The following GLCCI1 variants were observed in gnomAD, a reference collection of about 807,000 sequenced individuals.
GLCCI1 encodes the protein glucocorticoid-induced transcript 1 protein.
Under a neutral mutation model 52.2 loss-of-function variants are expected in GLCCI1, and 24 were observed. The ratio of observed to expected loss-of-function variants is 0.46; its 90% CI spans 0.33 to 0.65. The LOEUF (loss-of-function observed/expected upper bound fraction) is 0.65. Among genes scored for constraint, GLCCI1 ranks in the 30% least tolerant of loss-of-function variants. The probability of loss-of-function intolerance (pLI) is 0.02; values close to 1 mark genes in which losing one functional copy is unlikely to be tolerated. For missense variants in GLCCI1, 704 were observed against 701.5 expected (o/e 1.00, Z -0.04); for synonymous variants, 310 against 276.5 (o/e 1.12, Z -1.20).
At chr7:8,004,134 A>G in intron 2 of GLCCI1, 75 bp downstream of exon 2, 4 of 1,294,378 alleles carry the variant, frequency 3.1e-6, no homozygotes, top group Non-Finnish European at 4.2e-6. Flanking sequence ...AAAATGTAAT[A>G]TAATCAAATT....
intron 1 of GLCCI1, among the ~76,000 whole-genome samples, chr7:7,986,786 G>A (rs944328600): frequency 2.0e-5 from 3 of 152,130 alleles, no homozygotes; most frequent in African/African-American, 7.2e-5. Flanking sequence ...TTATGGTTAA[G>A]AGATATTCAG....
chr7:8,065,063 G>C (rs1013284112), intron 5 of GLCCI1, among the ~76,000 whole-genome samples: 7 of 152,086 alleles, frequency 4.6e-5, no homozygotes, highest in African/African-American at 1.7e-4. Flanking sequence ...CATGAGCATG[G>C]AATGTTTTTC....
chr7:7,998,240 G>T (rs1320982311), intron 1 of GLCCI1, among the ~76,000 whole-genome samples: 1 of 151,292 alleles, frequency 6.6e-6, no homozygotes, highest in East Asian at 1.9e-4. Flanking sequence ...TTTTGAGACG[G>T]AGTCTCGCTC....
chr7:8,052,598 T>C (rs1782283268), intron 3 of GLCCI1, among the ~76,000 whole-genome samples: 1 of 152,196 alleles, frequency 6.6e-6, no homozygotes, highest in Non-Finnish European at 1.5e-5. Context: ...GTAGCAAATA[T>C]TGTTCAGCAG....
At chr7:8,028,724 A>G (rs1781681601) in intron 3 of GLCCI1, among the ~76,000 whole-genome samples, 1 of 148,920 alleles carries the variant, frequency 6.7e-6, no homozygotes, top group African/African-American at 2.5e-5. Context: ...CAAGGTAACC[A>G]AGAAAAAAAA....
At chr7:7,989,170 C>T (rs1228725552) in intron 1 of GLCCI1, among the ~76,000 whole-genome samples, 1 of 152,094 alleles carries the variant, frequency 6.6e-6, no homozygotes, top group Non-Finnish European at 1.5e-5. Flanking sequence ...AAAAATAAAG[C>T]TATAATTTTA....
chr7:8,021,033 A>G (rs2127948173), intron 2 of GLCCI1, among the ~76,000 whole-genome samples: 1 of 152,278 alleles, frequency 6.6e-6, no homozygotes, highest in African/African-American at 2.4e-5. Flanking sequence ...TACTCTGTCA[A>G]TTGACTTAAA....
chr7:8,073,844 AC>A (rs963323731), intron 6 of GLCCI1, among the ~76,000 whole-genome samples: 11 of 152,302 alleles, frequency 7.2e-5, no homozygotes, highest in Admixed American at 6.5e-4. Flanking sequence ...CATAATATCT[AC>A]CATATTTAGC....
At chr7:8,085,123 G>A in intron 7 of GLCCI1, 106 bp downstream of exon 7, 2 of 1,261,118 alleles carry the variant, frequency 1.6e-6, no homozygotes, top group Non-Finnish European at 2.2e-6. Flanking sequence ...CTGATAATGT[G>A]TTTCAAGAGC....
In GLCCI1 at chr7:7,980,971, A is replaced by G. The variant is rs191243701; in HGVS notation, c.457+11164A>G. 1.5e-3 allele frequency: 862 copies of G among 570,722 alleles called. 5 individuals carry two copies. The highest frequency in any genetic ancestry group is 0.01 in the African/African-American group (543 of 51,974). The allele number at this position is 570,722 out of a possible 1,614,324, so 35.4% of individuals were successfully genotyped here. On this transcript the variant is annotated intron_variant, in intron 1 of 7. Coordinates refer to ENST00000223145, the MANE Select transcript of GLCCI1 (RefSeq NM_138426.4). ...ACAATTAAAGAGTGGTAGAGTTGAC[A>G]CAAATGAAGAAATTGATCATTTCAA...
chr7:8,019,081 T>C (rs745653114), intron 2 of GLCCI1, among the ~76,000 whole-genome samples: 6 of 152,248 alleles, frequency 3.9e-5, no homozygotes, highest in Non-Finnish European at 7.3e-5. Context: ...TCATCAGCTT[T>C]AAATAGATTT....
intron 3 of GLCCI1, among the ~76,000 whole-genome samples, chr7:8,047,423 G>T (rs1386381540): frequency 6.6e-6 from 1 of 152,234 alleles, no homozygotes; most frequent in Non-Finnish European, 1.5e-5. Flanking sequence ...GGTTTAAGAT[G>T]TCTGCTAAGG....
chr7:8,057,263 C>T (rs1306011749), intron 4 of GLCCI1, among the ~76,000 whole-genome samples: 1 of 151,392 alleles, frequency 6.6e-6, no homozygotes, highest in Non-Finnish European at 1.5e-5. Flanking sequence ...TTCTCAGAGG[C>T]GTTATTCATA....
intron 5 of GLCCI1, among the ~76,000 whole-genome samples, chr7:8,068,564 C>T (rs538859150): frequency 1.3e-5 from 2 of 152,144 alleles, no homozygotes; most frequent in Non-Finnish European, 2.9e-5. Context: ...TCATTAGATT[C>T]CTTGGATTGG....
chr7:8,054,389 T>C (rs974172246), intron 3 of GLCCI1, among the ~76,000 whole-genome samples: 6 of 152,136 alleles, frequency 3.9e-5, no homozygotes, highest in Non-Finnish European at 8.8e-5. Context: ...CATAGAGCTT[T>C]AAAAAACTTA....
At chr7:8,072,118 G>A (rs1413609786) in intron 6 of GLCCI1, among the ~76,000 whole-genome samples, 3 of 152,176 alleles carry the variant, frequency 2.0e-5, no homozygotes, top group East Asian at 1.9e-4. Context: ...GCTCCCTTGC[G>A]CCTCTTCCCA....
At position 7,969,479 on chromosome 7, in the gene GLCCI1, GGGCGGC is replaced by G; in HGVS notation, c.140_145del (p.Gly47_Gly48del). On this transcript the variant is annotated inframe_deletion, in exon 1 of 8. Coordinates refer to ENST00000223145, the MANE Select transcript of GLCCI1 (RefSeq NM_138426.4). The surrounding 1 kb of genome is among the most constrained non-coding windows in gnomAD (Gnocchi z 4.9). ...CCGCCGCCGGGAGCGGGAACGGTGC[GGGCGGC>G]GGCGGCGGCGTGGGCTGCGCCCCGG... 1.9e-6 allele frequency: 2 copies of G among 1,031,698 alleles called. No individual in the cohort carries two copies. Among genetic ancestry groups the G allele is most frequent in the Non-Finnish European group, 2.3e-6 (2 of 861,846 alleles). The allele number at this position is 1,031,698 out of a possible 1,614,324, so 63.9% of individuals were successfully genotyped here.
At chr7:8,019,556 C>T (rs7798367) in intron 2 of GLCCI1, among the ~76,000 whole-genome samples, 115,245 of 151,984 alleles carry the variant, frequency 0.76, 44,137 homozygotes, top group African/African-American at 0.87. Context: ...ACTACAGTCA[C>T]TGTCACTTCA....
chr7:8,026,874 C>G (rs1038838732), intron 3 of GLCCI1, among the ~76,000 whole-genome samples: 6 of 152,196 alleles, frequency 3.9e-5, no homozygotes, highest in Non-Finnish European at 5.9e-5. Flanking sequence ...CAGTCTTTGT[C>G]TGGTAATCAA....
Sources: allele counts gnomAD v4.1 joint callset (sites outside exome capture counted in the v4.1 genomes callset), GRCh38; gene constraint gnomAD v4.1.1; non-coding constraint Gnocchi (gnomAD v3.1); transcripts MANE v1.5; gene names NCBI Gene and HGNC (gene_info 2026-07-23, HGNC 2026-07-21).